Variants in DCUN1D2 observed in about 807,000 individuals in gnomAD.
The protein encoded by DCUN1D2 is DCN1-like protein 2.
DCUN1D2 carries 29 observed loss-of-function variants against 30.9 expected under a neutral mutation model. The ratio of observed to expected loss-of-function variants is 0.94; its 90% CI spans 0.70 to 1.28. The LOEUF is 1.28. Ranked by LOEUF, DCUN1D2 falls within the 50% of genes most tolerant of loss-of-function variation. The pLI, the probability that DCUN1D2 is intolerant of heterozygous loss-of-function variation, is 0.00. For missense variants in DCUN1D2, 325 were observed against 316.9 expected (o/e 1.03, Z -0.19); for synonymous variants, 121 against 115.3 (o/e 1.05, Z -0.32).
At chr13:113,472,403 G>A (rs1388455502) in intron 4 of DCUN1D2, among the ~76,000 whole-genome samples, 2 of 152,238 alleles carry the variant, frequency 1.3e-5, no homozygotes, top group African/African-American at 4.8e-5. Flanking sequence ...AGGGCTTCTT[G>A]GAGAAAAAGC....
chr13:113,484,224 C>T, intron 1 of DCUN1D2, 168 bp from the exon 2 acceptor site: 1 of 1,402,760 alleles, frequency 7.1e-7, no homozygotes, highest in Non-Finnish European at 9.3e-7. Context: ...AGCATCTATA[C>T]TGTAACAAAC....
At chr13:113,474,058 GT>G in intron 4 of DCUN1D2, 65 bp downstream of exon 4, 1 of 1,561,602 alleles carries the variant, frequency 6.4e-7, no homozygotes, top group Non-Finnish European at 8.7e-7. Context: ...CAAAAATCAT[GT>G]TGCTCACGTC....
At chr13:113,475,592 AG>A (rs902644365) in intron 3 of DCUN1D2, among the ~76,000 whole-genome samples, 2 of 152,218 alleles carry the variant, frequency 1.3e-5, no homozygotes, top group African/African-American at 4.8e-5. Flanking sequence ...ATCCACATCA[AG>A]GGTGGCGGCT....
At position 113,488,989 on chromosome 13, in the gene DCUN1D2, T is replaced by C. The variant is rs1203919715; in HGVS notation, c.3+1678A>G. ...TATAAAAAAGTCTCAAACACTTTAATTGTGACCTTGTGAAATACGACTCAT... is the reference window on the plus strand; with the variant it reads ...TATAAAAAAGTCTCAAACACTTTAACTGTGACCTTGTGAAATACGACTCAT... On this transcript the variant is annotated intron_variant, in intron 1 of 6. Transcript: ENST00000478244. The surrounding 1 kb of genome is among the most constrained non-coding windows in gnomAD (Gnocchi z 4.3). 2 of 364,150 alleles carry C rather than the reference T, an allele frequency of 5.5e-6. No individual in the cohort carries two copies. Among genetic ancestry groups the C allele is most frequent in the Admixed American group, 1.3e-4 (2 of 15,512 alleles). The allele number at this position is 364,150 out of a possible 1,614,324, so 22.6% of individuals were successfully genotyped here.
At chr13:113,463,761 GACACAGACAC>G (rs200231126) in intron 4 of DCUN1D2, among the ~76,000 whole-genome samples, 4,576 of 148,794 alleles carry the variant, frequency 0.031, 105 homozygotes, top group East Asian at 0.12. Context: ...CCCACAAAGA[GACACAGACAC>G]ACACAGACAC....
intron 5 of DCUN1D2, among the ~76,000 whole-genome samples, chr13:113,460,434 G>A (rs1183054079): frequency 1.3e-5 from 2 of 152,198 alleles, no homozygotes; most frequent in Non-Finnish European, 2.9e-5. Flanking sequence ...TGCCATTACC[G>A]GGCTTGTGGC....
chr13:113,474,491 C>T (rs940452657), intron 3 of DCUN1D2, among the ~76,000 whole-genome samples: 6 of 152,216 alleles, frequency 3.9e-5, no homozygotes, highest in Non-Finnish European at 8.8e-5. Flanking sequence ...CTGGTGGCAG[C>T]CGCCCAGCTC....
Position 113,490,649 on chromosome 13 carries a change from C to G in DCUN1D2, c.3+18G>C. ...CGACCCCGACCCCGACGGGCAGAGG[C>G]GACGCCGGGCCACCTACCATCTCCC... On this transcript the variant is annotated intron_variant, in intron 1 of 6. Coordinates refer to ENST00000478244, the MANE Select transcript of DCUN1D2 (RefSeq NM_001014283.2). This position sits in a 1 kb window ranked among gnomAD's most constrained non-coding sequence, Gnocchi z 5.2. The G allele has an allele frequency of 8.0e-7, 1 of 1,243,506 alleles. No homozygotes were observed. Among genetic ancestry groups the G allele is most frequent in the East Asian group, 3.5e-5 (1 of 28,912 alleles). The allele number at this position is 1,243,506 out of a possible 1,614,324, so 77.0% of individuals were successfully genotyped here.
At chr13:113,469,522 A>T (rs2044467302) in intron 4 of DCUN1D2, among the ~76,000 whole-genome samples, 1 of 151,934 alleles carries the variant, frequency 6.6e-6, no homozygotes, top group Non-Finnish European at 1.5e-5. Flanking sequence ...CCTCCAAAAA[A>T]AGTTTAAAAA....
intron 2 of DCUN1D2, among the ~76,000 whole-genome samples, chr13:113,482,466 C>T (rs888272562): frequency 1.3e-5 from 2 of 152,164 alleles, no homozygotes; most frequent in African/African-American, 4.8e-5. Context: ...TAGACTAAAG[C>T]TTAACTAAGA....
chr13:113,470,859 A>ACTCC (rs2044495023), intron 4 of DCUN1D2, among the ~76,000 whole-genome samples: 1 of 148,102 alleles, frequency 6.8e-6, no homozygotes, highest in African/African-American at 2.5e-5. Context: ...AGGGGACCCA[A>ACTCC]ATCCACAGGG....
chr13:113,490,703 G>A lies in DCUN1D2; in HGVS notation c.-34C>T, dbSNP rs1421334108. 1.7e-6 allele frequency: 2 copies of A among 1,210,808 alleles called. No individual in the cohort carries two copies. The highest frequency in any genetic ancestry group is 3.2e-5 in the South Asian group (1 of 31,172). The allele number at this position is 1,210,808 out of a possible 1,614,324, so 75.0% of individuals were successfully genotyped here. A position where few individuals can be genotyped will look rare whatever the true frequency, so the allele number is the denominator to read the frequency against. On this transcript the variant is annotated 5_prime_UTR_variant, in exon 1 of 7. Coordinates refer to ENST00000478244, the MANE Select transcript of DCUN1D2 (RefSeq NM_001014283.2). The surrounding 1 kb of genome is among the most constrained non-coding windows in gnomAD (Gnocchi z 5.2). ...CGCCGCCCGCTTCTGGCCGGCCCCG[G>A]CCTTCTGCGCAGGCGCGGCGGCGGC... is the stretch of plus-strand genomic sequence containing the variant.
chr13:113,468,944 G>GC (rs2044455936), intron 4 of DCUN1D2: 1 of 152,356 alleles, frequency 6.6e-6, no homozygotes, highest in African/African-American at 2.4e-5. Flanking sequence ...GTGCCTACAC[G>GC]CCGGGACCAG....
intron 4 of DCUN1D2, among the ~76,000 whole-genome samples, chr13:113,463,303 G>A (rs559832357): frequency 2.2e-4 from 34 of 152,248 alleles, no homozygotes; most frequent in Non-Finnish European, 4.1e-4. Context: ...CTCCACTTAG[G>A]ATTAGACAAT....
intron 1 of DCUN1D2, among the ~76,000 whole-genome samples, chr13:113,487,084 G>T (rs2044818180): frequency 6.6e-6 from 1 of 152,226 alleles, no homozygotes; most frequent in Non-Finnish European, 1.5e-5. Flanking sequence ...TGTATTCTCT[G>T]GTAAGATCAA....
chr13:113,472,236 A>G (rs74242216), intron 4 of DCUN1D2, among the ~76,000 whole-genome samples: 3,206 of 152,264 alleles, frequency 0.021, 96 homozygotes, highest in East Asian at 0.085. Context: ...AAGCTCAAGT[A>G]GGAAAAATAA....
chr13:113,490,370 G>C lies in DCUN1D2; in HGVS notation c.3+297C>G. 1 of 287,162 alleles carries C rather than the reference G, an allele frequency of 3.5e-6. No individual in the cohort carries two copies. Among genetic ancestry groups the C allele is most frequent in the South Asian group, 1.0e-4 (1 of 9,550 alleles). 17.8% of individuals were successfully genotyped at this position (287,162 alleles called of 1,614,324 possible). The stretch of plus-strand genomic sequence containing the variant: ...TGGGAAGCCCCCGGCCTGGGTTCCC[G>C]CTCGGCCCCGGCCCCTGCCCCAAGG... On this transcript the variant is annotated intron_variant, in intron 1 of 6. Transcript: ENST00000478244. This position sits in a 1 kb window ranked among gnomAD's most constrained non-coding sequence, Gnocchi z 5.2.
chr13:113,483,377 G>T (rs1183015685), intron 2 of DCUN1D2, among the ~76,000 whole-genome samples: 1 of 152,124 alleles, frequency 6.6e-6, no homozygotes, highest in Admixed American at 6.5e-5. Flanking sequence ...CACTACCCGG[G>T]CAAGGAAAAC....
At position 113,488,645 on chromosome 13, in the gene DCUN1D2, CAA is replaced by C. The variant is rs1425885014; in HGVS notation, c.3+2020_3+2021del. On this transcript the variant is annotated intron_variant, in intron 1 of 6. Coordinates refer to ENST00000478244, the MANE Select transcript of DCUN1D2 (RefSeq NM_001014283.2). The surrounding 1 kb of genome is among the most constrained non-coding windows in gnomAD (Gnocchi z 4.3). Reference sequence around the variant, plus strand: ...CATTGGCAGTAAGCTTTGAGTGCACCAAGAGAGGACTGAACCCAGGTCAAATT... The same window carrying C: ...CATTGGCAGTAAGCTTTGAGTGCACCGAGAGGACTGAACCCAGGTCAAATT... 1.3e-5 allele frequency among the ~76,000 whole-genome samples: 2 copies of C among 152,116 alleles called. No individual in the cohort carries two copies. Among genetic ancestry groups the C allele is most frequent in the South Asian group, 2.1e-4 (1 of 4,828 alleles).
Sources: gnomAD v4.1 joint callset for allele counts (sites outside exome capture counted in the v4.1 genomes callset) on GRCh38, gnomAD v4.1.1 for gene constraint, Gnocchi (gnomAD v3.1) non-coding constraint, MANE v1.5 for transcripts, NCBI Gene and HGNC (gene_info 2026-07-23, HGNC 2026-07-21) for gene names.